Variants in CDH4 observed in about 807,000 individuals in gnomAD.
CDH4 encodes the protein cadherin-4.
Under a neutral mutation model 86.0 loss-of-function variants are expected in CDH4, and 33 were observed. The ratio of observed to expected loss-of-function variants is 0.38; its 90% CI spans 0.29 to 0.51. The LOEUF (loss-of-function observed/expected upper bound fraction) is 0.51, where lower values mean the gene tolerates loss of function less well. CDH4 is among the 20% of genes least tolerant of loss of function. CDH4 has a pLI of 0.86. For missense variants in CDH4, 1,114 were observed against 1,307.4 expected, an observed-to-expected ratio of 0.85 and a Z score of 2.28; for synonymous variants, 555 against 549.4, an observed-to-expected ratio of 1.01 and a Z score of -0.14.
chr20:61,616,092 C>T (rs1003072806), intron 2 of CDH4, among the ~76,000 whole-genome samples: 1 of 152,214 alleles, frequency 6.6e-6, no homozygotes, highest in African/African-American at 2.4e-5. Flanking sequence ...GCACAGAGAG[C>T]AGTGGGTGAG....
rs1980125557 is a variant in CDH4, at chr20:61,806,322, A to G, written c.576+33140A>G. Among the ~76,000 whole-genome samples the G allele has an allele frequency of 2.6e-5, 4 of 152,078 alleles. No homozygotes were observed. In the South Asian group the frequency reaches 6.2e-4, roughly 24 times the overall value. ...GGCGTCCACAGGGCTAAGGAAGCCT[A>G]CCCAAAGCCTCATGCCCAGGACAAG... On this transcript the variant is annotated intron_variant, in intron 4 of 15. Coordinates refer to ENST00000614565, the MANE Select transcript of CDH4 (RefSeq NM_001794.5).
chr20:61,467,454 T>C (rs77925052), intron 2 of CDH4, among the ~76,000 whole-genome samples: 4,584 of 152,300 alleles, frequency 0.03, 245 homozygotes, highest in African/African-American at 0.1. Flanking sequence ...GTATGATAAG[T>C]AATAGAATAT....
At position 61,319,056 on chromosome 20, in the gene CDH4, A is replaced by G. The variant is rs573834278; in HGVS notation, c.169+64119A>G. Among the ~76,000 whole-genome samples, 12 of 152,346 alleles carry G rather than the reference A, an allele frequency of 7.9e-5. No individual in the cohort carries two copies. The South Asian group carries it at 2.5e-3, about 32-fold the overall frequency. Reference sequence around the variant, plus strand: ...AGATGACTTAGTTTCCACGATCTTAACAGGTGACAGCACTGAGCGCTTGCC... The same window carrying G: ...AGATGACTTAGTTTCCACGATCTTAGCAGGTGACAGCACTGAGCGCTTGCC... On this transcript the variant is annotated intron_variant, in intron 2 of 15. Coordinates refer to ENST00000614565, the MANE Select transcript of CDH4 (RefSeq NM_001794.5).
At chr20:61,900,148 C>T (rs913948633) in intron 8 of CDH4, among the ~76,000 whole-genome samples, 1 of 152,226 alleles carries the variant, frequency 6.6e-6, no homozygotes, top group African/African-American at 2.4e-5. Flanking sequence ...GCAGCTCTCG[C>T]CCACAGATCC....
chr20:61,690,608 G>T (rs1413865748), intron 2 of CDH4, among the ~76,000 whole-genome samples: 2 of 152,140 alleles, frequency 1.3e-5, no homozygotes, highest in Non-Finnish European at 2.9e-5. Flanking sequence ...CCTGTTCGGA[G>T]TGCTCTGAGC....
At chr20:61,841,128 C>T (rs933587801) in intron 4 of CDH4, among the ~76,000 whole-genome samples, 3 of 152,252 alleles carry the variant, frequency 2.0e-5, no homozygotes, top group Non-Finnish European at 4.4e-5. Context: ...CTCCAGAAGA[C>T]TGGACCTGGC....
chr20:61,868,958 C>G (rs1983675959), intron 6 of CDH4, among the ~76,000 whole-genome samples: 1 of 152,158 alleles, frequency 6.6e-6, no homozygotes, highest in Non-Finnish European at 1.5e-5. Context: ...CACAAAGCCT[C>G]TAGACGTGGC....
At chr20:61,532,077 C>T (rs1313392642) in intron 2 of CDH4, among the ~76,000 whole-genome samples, 2 of 152,144 alleles carry the variant, frequency 1.3e-5, no homozygotes, top group Admixed American at 6.5e-5. Context: ...GGAGGAGAGG[C>T]GGATAAAACA....
intron 2 of CDH4, among the ~76,000 whole-genome samples, chr20:61,524,498 T>C (rs2085896400): frequency 6.6e-6 from 1 of 152,144 alleles, no homozygotes; most frequent in Non-Finnish European, 1.5e-5. Flanking sequence ...CTTTTTTTTT[T>C]TTTTAAGACA....
intron 2 of CDH4, among the ~76,000 whole-genome samples, chr20:61,535,849 G>A (rs1200765962): frequency 6.6e-6 from 1 of 152,172 alleles, no homozygotes; most frequent in African/African-American, 2.4e-5. Context: ...CGAACCCCCT[G>A]TTCCCGCTCC....
chr20:61,442,070 C>T (rs778139229), intron 2 of CDH4, among the ~76,000 whole-genome samples: 29 of 152,180 alleles, frequency 1.9e-4, no homozygotes, highest in South Asian at 4.2e-4. Flanking sequence ...ACCACCCAGA[C>T]GCAAATGCCC....
At chr20:61,283,884 C>T (rs1411712491) in intron 2 of CDH4, among the ~76,000 whole-genome samples, 2 of 152,210 alleles carry the variant, frequency 1.3e-5, no homozygotes, top group African/African-American at 4.8e-5. Context: ...CATGTCCCCA[C>T]TGCCACCCTG....
intron 2 of CDH4, among the ~76,000 whole-genome samples, chr20:61,617,518 A>G (rs527529835): frequency 6.6e-6 from 1 of 152,364 alleles, no homozygotes; most frequent in East Asian, 1.9e-4. Context: ...TAGGAGGAGC[A>G]TAAATACTTG....
intron 2 of CDH4, among the ~76,000 whole-genome samples, chr20:61,339,995 A>G (rs937367509): frequency 6.6e-6 from 1 of 152,228 alleles, no homozygotes; most frequent in Non-Finnish European, 1.5e-5. Flanking sequence ...TAAAAAGGGT[A>G]TTACTGAGTT....
chr20:61,594,269 G>A (rs2086539507), intron 2 of CDH4, among the ~76,000 whole-genome samples: 2 of 130,694 alleles, frequency 1.5e-5, no homozygotes, highest in African/African-American at 2.8e-5. Context: ...GGGGGAAGAG[G>A]GAAGGGGGGC....
chr20:61,301,056 C>G (rs576182242), intron 2 of CDH4, among the ~76,000 whole-genome samples: 1 of 152,270 alleles, frequency 6.6e-6, no homozygotes, highest in South Asian at 2.1e-4. Flanking sequence ...ACTCTTACCT[C>G]GCAGTGTGCC....
intron 2 of CDH4, among the ~76,000 whole-genome samples, chr20:61,563,479 T>G (rs537513621): frequency 6.6e-6 from 1 of 152,350 alleles, no homozygotes; most frequent in African/African-American, 2.4e-5. Flanking sequence ...CTAATTGTTC[T>G]CTTTCTTTTG....
In CDH4 at chr20:61,582,688, G is replaced by C. The variant is rs1462683954; in HGVS notation, c.170-160875G>C. Reference sequence around the variant, plus strand: ...GTCAGGAGCCTGTCTTCTGAGGCTGGGGACACAAGCCAGCCCTGCAGGCTC... The same window carrying C: ...GTCAGGAGCCTGTCTTCTGAGGCTGCGGACACAAGCCAGCCCTGCAGGCTC... On this transcript the variant is annotated intron_variant, in intron 2 of 15. Transcript: ENST00000614565. The surrounding 1 kb of genome is among the most constrained non-coding windows in gnomAD (Gnocchi z 4.2). Among the ~76,000 whole-genome samples, 1 of 152,134 alleles carries C rather than the reference G, an allele frequency of 6.6e-6. No homozygotes were observed. Among genetic ancestry groups the C allele is most frequent in the East Asian group, 1.9e-4 (1 of 5,168 alleles).
At position 61,501,430 on chromosome 20, in the gene CDH4, A is replaced by G. The variant is rs2085700247; in HGVS notation, c.170-242133A>G. Among the ~76,000 whole-genome samples, 1 of 151,932 alleles carries G rather than the reference A, an allele frequency of 6.6e-6. No individual in the cohort carries two copies. Among genetic ancestry groups the G allele is most frequent in the Non-Finnish European group, 1.5e-5 (1 of 68,034 alleles). On this transcript the variant is annotated intron_variant, in intron 2 of 15. Transcript: ENST00000614565. This position sits in a 1 kb window ranked among gnomAD's most constrained non-coding sequence, Gnocchi z 4.2. Reference sequence around the variant, plus strand: ...GAAAAGTGTTGGTGTTTACCTGGCTACGTACTTGGCCACGGAGAGTCCAGG... The same window carrying G: ...GAAAAGTGTTGGTGTTTACCTGGCTGCGTACTTGGCCACGGAGAGTCCAGG...
Sources: allele counts gnomAD v4.1 joint callset (sites outside exome capture counted in the v4.1 genomes callset), GRCh38; gene constraint gnomAD v4.1.1; non-coding constraint Gnocchi (gnomAD v3.1); transcripts MANE v1.5; gene names NCBI Gene and HGNC (gene_info 2026-07-23, HGNC 2026-07-21).